ASIP: variants seen among roughly 807,000 people sequenced by gnomAD.
ASIP encodes the protein agouti-signaling protein.
In ASIP, 11 loss-of-function variants were observed where a neutral mutation model predicts 10.3. The ratio of observed to expected loss-of-function variants is 1.07; its 90% CI spans 0.68 to 1.78. ASIP has a LOEUF of 1.78. Among genes scored for constraint, ASIP ranks in the 40% most tolerant of loss-of-function variants. The pLI is 0.00. For missense variants in ASIP, 180 were observed against 169.2 expected, an observed-to-expected ratio of 1.06 and a Z score of -0.35; for synonymous variants, 70 against 70.8, an observed-to-expected ratio of 0.99 and a Z score of 0.06.
chr20:34,187,338 G>C, the ASIP span, among the ~76,000 whole-genome samples: 1 of 152,188 alleles, frequency 6.6e-6, no homozygotes, highest in East Asian at 1.9e-4. Flanking sequence ...CTTTGCCTTA[G>C]CTGTGTAACT....
At chr20:34,266,274 C>T (rs2035783769) in intron 3 of ASIP, among the ~76,000 whole-genome samples, 1 of 151,696 alleles carries the variant, frequency 6.6e-6, no homozygotes, top group African/African-American at 2.4e-5. Flanking sequence ...ATGGCGTGAA[C>T]CCGGGAGGCA....
chr20:34,192,224 C>T (rs368676544), upstream of ASIP, among the ~76,000 whole-genome samples: 1 of 151,894 alleles, frequency 6.6e-6, no homozygotes, highest in Non-Finnish European at 1.5e-5. Context: ...TTAGTAGAGA[C>T]GGAGTTTCTC....
chr20:34,192,336 C>A (rs1373974708), upstream of ASIP, among the ~76,000 whole-genome samples: 1 of 152,116 alleles, frequency 6.6e-6, no homozygotes, highest in Non-Finnish European at 1.5e-5. Context: ...TGGCCTCTTT[C>A]TTTTTTGAAA....
At chr20:34,208,566 T>C (rs1568746801) in intron 1 of ASIP, among the ~76,000 whole-genome samples, 1 of 152,166 alleles carries the variant, frequency 6.6e-6, no homozygotes, top group Non-Finnish European at 1.5e-5. Context: ...TGTGCCTCGG[T>C]TGACTCAAAC....
intron 3 of ASIP, among the ~76,000 whole-genome samples, chr20:34,267,139 T>G (rs955474015): frequency 2.0e-5 from 3 of 152,196 alleles, no homozygotes; most frequent in Non-Finnish European, 4.4e-5. Context: ...AACATAGCAG[T>G]GAATAAGAAA....
intron 1 of ASIP, chr20:34,214,661 C>G (rs534782147): frequency 9.2e-7 from 1 of 1,083,524 alleles, no homozygotes; most frequent in East Asian, 2.3e-5. Context: ...TTTCTATATT[C>G]TACAAACATG....
At chr20:34,209,292 G>A (rs2034957437) in intron 1 of ASIP, among the ~76,000 whole-genome samples, 1 of 152,218 alleles carries the variant, frequency 6.6e-6, no homozygotes, top group Non-Finnish European at 1.5e-5. Flanking sequence ...AGCTGCCCAA[G>A]TCATGGCTGC....
At chr20:34,195,827 G>GCT in intron 1 of ASIP, among the ~76,000 whole-genome samples, 1 of 152,100 alleles carries the variant, frequency 6.6e-6, no homozygotes, top group East Asian at 1.9e-4. Context: ...TGCTGGAGTA[G>GCT]CTCGAGTGAG....
At chr20:34,246,712 C>G (rs933270197) in intron 1 of ASIP, among the ~76,000 whole-genome samples, 3 of 152,200 alleles carry the variant, frequency 2.0e-5, no homozygotes, top group African/African-American at 7.2e-5. Context: ...CCCACCTCAG[C>G]CTCCCAAAGT....
chr20:34,234,378 T>C (rs2035150134), intron 1 of ASIP, among the ~76,000 whole-genome samples: 1 of 152,232 alleles, frequency 6.6e-6, no homozygotes, highest in Non-Finnish European at 1.5e-5. Flanking sequence ...GCTTTTGTTT[T>C]AGACCATTGT....
At chr20:34,209,759 T>C (rs1455666436) in intron 1 of ASIP, among the ~76,000 whole-genome samples, 4 of 152,294 alleles carry the variant, frequency 2.6e-5, no homozygotes, top group Admixed American at 6.5e-5. Context: ...CGAGGGCAGC[T>C]TGGCATTGGC....
chr20:34,259,851 C>A (rs187333939), intron 1 of ASIP, among the ~76,000 whole-genome samples: 12 of 152,246 alleles, frequency 7.9e-5, no homozygotes, highest in Middle Eastern at 3.4e-3. Context: ...TGCATTCGTT[C>A]TCTCTGGGTT....
intron 1 of ASIP, among the ~76,000 whole-genome samples, chr20:34,217,738 A>G (rs764111456): frequency 5.3e-4 from 80 of 151,980 alleles, no homozygotes; most frequent in Non-Finnish European, 4.0e-4. Context: ...ATTTTTTTGT[A>G]CTTTTAGTAG....
At chr20:34,223,460 G>A (rs867248157) in intron 1 of ASIP, among the ~76,000 whole-genome samples, 445 of 135,440 alleles carry the variant, frequency 3.3e-3, no homozygotes, top group South Asian at 8.4e-3. Context: ...AGTGAGGAGC[G>A]TCTCCGCCCG....
upstream of ASIP, among the ~76,000 whole-genome samples, chr20:34,238,370 G>A (rs953249895): frequency 3.9e-5 from 6 of 152,068 alleles, no homozygotes; most frequent in African/African-American, 7.2e-5. Flanking sequence ...CTCAGACTCA[G>A]TAATTTTCAT....
At chr20:34,196,211 G>C (rs1024786164) in intron 1 of ASIP, among the ~76,000 whole-genome samples, 8 of 112,308 alleles carry the variant, frequency 7.1e-5, no homozygotes, top group Non-Finnish European at 1.3e-4. Flanking sequence ...ACGGAATCCC[G>C]CTGTGTCGCC....
At chr20:34,267,843 T>TA (rs3216535) in intron 3 of ASIP, among the ~76,000 whole-genome samples, 44,270 of 147,588 alleles carry the variant, frequency 0.3, 7,161 homozygotes, top group Admixed American at 0.45. Context: ...TAACCATATT[T>TA]AAAAAAAAAA....
chr20:34,268,510 C>T (rs943531149), intron 3 of ASIP, among the ~76,000 whole-genome samples: 1 of 152,074 alleles, frequency 6.6e-6, no homozygotes, highest in Non-Finnish European at 1.5e-5. Context: ...ATCACTTTAG[C>T]TCAAGAGTTT....
chr20:34,267,923 TA>T (rs1287626660), intron 3 of ASIP, among the ~76,000 whole-genome samples: 5 of 149,526 alleles, frequency 3.3e-5, no homozygotes, highest in African/African-American at 1.3e-4. Context: ...AATATGTGAT[TA>T]ATTTAAAAAG....
Sources: allele counts gnomAD v4.1 joint callset (sites outside exome capture counted in the v4.1 genomes callset), GRCh38; gene constraint gnomAD v4.1.1; transcripts MANE v1.5; gene names NCBI Gene and HGNC (gene_info 2026-07-23, HGNC 2026-07-21).